Variants in EIF3D observed in about 807,000 individuals in gnomAD.
EIF3D encodes eIF3 p66.
In EIF3D, 10 loss-of-function variants were observed where a neutral mutation model predicts 75.4. The observed-to-expected ratio is 0.13, with a 90% CI of 0.08 to 0.22. EIF3D has a LOEUF of 0.22. Ranked by LOEUF, EIF3D falls within the 10% of genes least tolerant of loss-of-function variation. The probability of loss-of-function intolerance (pLI) is 1.00; values close to 1 mark genes in which losing one functional copy is unlikely to be tolerated. For missense variants in EIF3D, 394 were observed against 708.0 expected, an observed-to-expected ratio of 0.56 and a Z score of 5.03; for synonymous variants, 246 against 248.3, an observed-to-expected ratio of 0.99 and a Z score of 0.09.
chr22:36,518,406 T>C (rs936526843), intron 9 of EIF3D, among the ~76,000 whole-genome samples: 1 of 151,794 alleles, frequency 6.6e-6, no homozygotes, highest in Non-Finnish European at 1.5e-5. Flanking sequence ...GAAGAATCAC[T>C]TGAATGTGGG....
intron 3 of EIF3D, among the ~76,000 whole-genome samples, chr22:36,525,422 G>T (rs780797230): frequency 4.6e-5 from 7 of 151,788 alleles, no homozygotes; most frequent in Non-Finnish European, 1.0e-4. Context: ...GTTTTCAACA[G>T]GTTTTTAAAA....
chr22:36,515,651 T>C (rs914530019), intron 12 of EIF3D, among the ~76,000 whole-genome samples: 2 of 152,166 alleles, frequency 1.3e-5, no homozygotes, highest in Non-Finnish European at 2.9e-5. Context: ...GAAGTATGTA[T>C]GGCGAAGAGA....
intron 12 of EIF3D, 144 bp downstream of exon 12, chr22:36,516,334 A>C (rs1934426059): frequency 2.0e-6 from 2 of 1,017,088 alleles, no homozygotes. Flanking sequence ...GAAAAAACTC[A>C]CAAGACAAAA....
At chr22:36,522,325 A>G (rs1934526496) in intron 6 of EIF3D, among the ~76,000 whole-genome samples, 1 of 152,208 alleles carries the variant, frequency 6.6e-6, no homozygotes, top group Admixed American at 6.5e-5. Context: ...ACTGCACTCC[A>G]GCCTGGGTGA....
intron 2 of EIF3D, 118 bp from the exon 3 acceptor site, chr22:36,525,827 A>G (rs995316579): frequency 3.4e-6 from 5 of 1,467,306 alleles, no homozygotes; most frequent in African/African-American, 1.4e-5. Context: ...TGTTCACAAC[A>G]CCTCTGTAAG....
chr22:36,522,790 C>T (rs1014529257), intron 6 of EIF3D, among the ~76,000 whole-genome samples: 1 of 152,180 alleles, frequency 6.6e-6, no homozygotes, highest in African/African-American at 2.4e-5. Context: ...GCCCTTCTCT[C>T]AGGAATGGGC....
chr22:36,517,456 C>T (rs1043361155), intron 9 of EIF3D, 25 bp from the exon 10 acceptor site: 2 of 1,595,076 alleles, frequency 1.3e-6, no homozygotes, highest in South Asian at 1.1e-5. Flanking sequence ...CATGGTCACT[C>T]ACCATGCAAC....
intron 4 of EIF3D, 67 bp downstream of exon 4, chr22:36,524,529 A>AT: frequency 1.2e-6 from 2 of 1,604,458 alleles, no homozygotes; most frequent in East Asian, 2.2e-5. Flanking sequence ...ACAAGGTAGC[A>AT]TTTTTTAGCA....
At chr22:36,528,983 AAGAG>A (rs1934655173) in intron 1 of EIF3D, 89 bp downstream of exon 1, 2 of 294,804 alleles carry the variant, frequency 6.8e-6, no homozygotes, top group East Asian at 5.3e-5. Flanking sequence ...GGAAGGGACT[AAGAG>A]AGGTCTCTTC....
chr22:36,524,187 A>G (rs1934560014), intron 4 of EIF3D, among the ~76,000 whole-genome samples: 1 of 152,122 alleles, frequency 6.6e-6, no homozygotes, highest in South Asian at 2.1e-4. Flanking sequence ...CTCCCATGAT[A>G]TATTTTTCAT....
chr22:36,513,353 A>G (rs527750844), intron 12 of EIF3D, among the ~76,000 whole-genome samples: 6 of 151,378 alleles, frequency 4.0e-5, no homozygotes, highest in Non-Finnish European at 5.9e-5. Context: ...CCCAGGGTGG[A>G]GTGCAGTGGC....
At chr22:36,523,558 C>T (rs1031040694) in intron 5 of EIF3D, among the ~76,000 whole-genome samples, 1 of 152,174 alleles carries the variant, frequency 6.6e-6, no homozygotes, top group Non-Finnish European at 1.5e-5. Flanking sequence ...CGCTGGACCA[C>T]ACAACACCAG....
chr22:36,519,642 G>A lies in EIF3D; in HGVS notation c.579-105C>T, dbSNP rs945126261. On this transcript the variant is annotated intron_variant, in intron 7 of 14. Transcript: ENST00000216190. ...TCTTATCCAAAAGTCTAAAAGAGGT[G>A]GAAAGCAATCTCTGGCCAGAGCAGG... The A allele has an allele frequency of 2.7e-6, 4 of 1,503,074 alleles. No individual in the cohort carries two copies. The African/African-American group carries it at 5.6e-5, about 21-fold the overall frequency. 93.1% of individuals were successfully genotyped at this position (1,503,074 alleles called of 1,614,324 possible). A position where few individuals can be genotyped will look rare whatever the true frequency, so the allele number is the denominator to read the frequency against.
intron 9 of EIF3D, 133 bp from the exon 10 acceptor site, chr22:36,517,564 T>A (rs1256203912): frequency 5.5e-6 from 6 of 1,097,022 alleles, no homozygotes; most frequent in Non-Finnish European, 7.4e-6. Flanking sequence ...CTAAAGTGGG[T>A]CTCCCTGGTG....
intron 9 of EIF3D, 47 bp downstream of exon 9, chr22:36,518,716 C>T: frequency 6.2e-7 from 1 of 1,607,876 alleles, no homozygotes; most frequent in Middle Eastern, 1.7e-4. Flanking sequence ...TCTGTACCAA[C>T]AAAAATACTC....
chr22:36,513,691 C>T (rs1036800587), intron 12 of EIF3D, among the ~76,000 whole-genome samples: 5 of 152,166 alleles, frequency 3.3e-5, no homozygotes. Context: ...TTAAAATATC[C>T]TGCAGCACTC....
intron 4 of EIF3D, among the ~76,000 whole-genome samples, 158 bp from the exon 5 acceptor site, chr22:36,524,138 T>C (rs1207020574): frequency 2.6e-5 from 4 of 151,854 alleles, no homozygotes; most frequent in Non-Finnish European, 4.4e-5. Flanking sequence ...AGCTTGGGGG[T>C]GTTAGGGGGT....
chr22:36,525,527 A>G, intron 3 of EIF3D, 137 bp downstream of exon 3: 1 of 1,007,380 alleles, frequency 9.9e-7, no homozygotes, highest in South Asian at 1.4e-5. Flanking sequence ...GTTAAAGCCC[A>G]GAATACATCC....
In EIF3D at chr22:36,518,803, C is replaced by T; in HGVS notation, c.819G>A (p.Gly273=). The part of the protein sequence containing the change: ...YSWDIVVQRV[G]SKLFFDKRDN... Reference sequence around the variant, plus strand: ...CTCTCTTGTCAAAGAAGAGTTTGGACCCAACTCTCTGGACGACAATATCCC... The same window carrying T: ...CTCTCTTGTCAAAGAAGAGTTTGGATCCAACTCTCTGGACGACAATATCCC... The change falls in exon 9 of 15, where the codon GGG becomes GGA. Residue 273 remains glycine (G), a synonymous_variant. Transcript: ENST00000216190. 2 of 1,614,202 alleles carry T rather than the reference C, an allele frequency of 1.2e-6. No homozygotes were observed. Among genetic ancestry groups the T allele is most frequent in the Middle Eastern group, 1.6e-4 (1 of 6,062 alleles).
Sources: gnomAD v4.1 joint callset for allele counts (sites outside exome capture counted in the v4.1 genomes callset) on GRCh38, gnomAD v4.1.1 for gene constraint, MANE v1.5 for transcripts, NCBI Gene and HGNC (gene_info 2026-07-23, HGNC 2026-07-21) for gene names.